Variants in DCC observed in about 807,000 individuals in gnomAD.
DCC encodes netrin receptor DCC.
A neutral mutation model predicts 172.5 loss-of-function variants in DCC; 58 were observed. The ratio of observed to expected loss-of-function variants is 0.34; its 90% confidence interval spans 0.27 to 0.42. DCC has a LOEUF of 0.42. Ranked by LOEUF, DCC falls within the 10% of genes least tolerant of loss-of-function variation. The pLI is 1.00. For missense variants in DCC, 1,740 were observed against 1,791.0 expected, an observed-to-expected ratio of 0.97 and a Z score of 0.51; for synonymous variants, 709 against 644.5, an observed-to-expected ratio of 1.10 and a Z score of -1.52.
chr18:53,257,179 C>T (rs1051672969), intron 12 of DCC, among the ~76,000 whole-genome samples: 3 of 152,178 alleles, frequency 2.0e-5, no homozygotes, highest in African/African-American at 7.2e-5. Context: ...TGGACTTCCT[C>T]TTTTCCTAAT....
chr18:52,441,201 T>G (rs968624410), intron 1 of DCC, among the ~76,000 whole-genome samples: 1 of 152,212 alleles, frequency 6.6e-6, no homozygotes, highest in Non-Finnish European at 1.5e-5. Context: ...TTCATTTGTC[T>G]GAGACCATTT....
chr18:52,977,376 C>T (rs897135786), intron 5 of DCC, among the ~76,000 whole-genome samples: 12 of 152,218 alleles, frequency 7.9e-5, no homozygotes, highest in South Asian at 4.2e-4. Flanking sequence ...ATGTCCTGCC[C>T]ATGAGGACAT....
At position 53,226,934 on chromosome 18, in the gene DCC, G is replaced by GTATATATATATATATA. The variant is rs1555734406; in HGVS notation, c.1911+11352_1911+11353insATATATATATATATAT. ...TGTAACTGTGTGTGTGTGTGTGTGT[G>GTATATATATATATATA]TATATATATATATATTTTTTTTTTT... On this transcript the variant is annotated intron_variant, in intron 12 of 28. Transcript: ENST00000442544. 5.4e-3 allele frequency among the ~76,000 whole-genome samples: 365 copies of GTATATATATATATATA among 67,760 alleles called. 5 individuals are homozygous for GTATATATATATATATA. Among genetic ancestry groups the GTATATATATATATATA allele is most frequent in the Non-Finnish European group, 7.5e-3 (251 of 33,516 alleles). 44.5% of individuals were successfully genotyped at this position (67,760 alleles called of 152,430 possible).
chr18:52,941,006 ATAT>A (rs1345240236), intron 5 of DCC: 2 of 152,158 alleles, frequency 1.3e-5, no homozygotes, highest in African/African-American at 2.4e-5. Flanking sequence ...AAGGAATGAA[ATAT>A]TATAGTAAGA....
At chr18:52,353,837 T>C (rs1255864913) in intron 1 of DCC, among the ~76,000 whole-genome samples, 1 of 152,188 alleles carries the variant, frequency 6.6e-6, no homozygotes, top group Non-Finnish European at 1.5e-5. Context: ...TCATGAACTG[T>C]AGGCCCTTCT....
At chr18:52,660,701 G>T (rs1006443364) in intron 1 of DCC, among the ~76,000 whole-genome samples, 2 of 152,096 alleles carry the variant, frequency 1.3e-5, no homozygotes, top group Non-Finnish European at 2.9e-5. Flanking sequence ...TAAGTTGAAG[G>T]GTAAAAGTTC....
intron 1 of DCC, among the ~76,000 whole-genome samples, chr18:52,439,028 T>A (rs62083542): frequency 6.6e-6 from 1 of 152,078 alleles, no homozygotes; most frequent in Non-Finnish European, 1.5e-5. Context: ...CTATACTTAC[T>A]GAGCTCCTGT....
intron 5 of DCC, among the ~76,000 whole-genome samples, chr18:52,969,616 TC>T (rs2040994103): frequency 6.7e-6 from 1 of 149,252 alleles, no homozygotes; most frequent in Non-Finnish European, 1.5e-5. Context: ...TCTCTCTCTC[TC>T]TCTCTTTCTG....
intron 21 of DCC, among the ~76,000 whole-genome samples, chr18:53,425,755 T>C (rs1910894940): frequency 6.6e-6 from 1 of 152,144 alleles, no homozygotes. Flanking sequence ...TGAAACCCTG[T>C]GTTTATTCAT....
intron 2 of DCC, among the ~76,000 whole-genome samples, chr18:52,854,777 T>C (rs1457507266): frequency 6.6e-6 from 1 of 152,180 alleles, no homozygotes; most frequent in African/African-American, 2.4e-5. Flanking sequence ...TATATGTAAT[T>C]CCAGAAAAGA....
chr18:53,136,835 T>C (rs1309862586), intron 7 of DCC, among the ~76,000 whole-genome samples: 1 of 152,202 alleles, frequency 6.6e-6, no homozygotes, highest in Non-Finnish European at 1.5e-5. Flanking sequence ...TTTGGAGAAT[T>C]ACCACAAATT....
chr18:53,228,820 C>A (rs1181421582), intron 12 of DCC, among the ~76,000 whole-genome samples: 1 of 152,028 alleles, frequency 6.6e-6, no homozygotes, highest in Non-Finnish European at 1.5e-5. Flanking sequence ...GTTTAAAATG[C>A]CAAAGATTTT....
intron 1 of DCC, among the ~76,000 whole-genome samples, chr18:52,721,414 G>A (rs182107238): frequency 6.7e-4 from 102 of 152,292 alleles, no homozygotes; most frequent in African/African-American, 2.2e-3. Flanking sequence ...AGGACAGTGA[G>A]GGGTTACAGT....
intron 7 of DCC, among the ~76,000 whole-genome samples, chr18:53,129,455 T>TC (rs143576441): frequency 0.02 from 3,072 of 152,228 alleles, 104 homozygotes; most frequent in African/African-American, 0.069. Context: ...TAGAAAGTTC[T>TC]CCCATGGTCC....
intron 17 of DCC, among the ~76,000 whole-genome samples, chr18:53,394,861 G>T (rs547617202): frequency 6.6e-6 from 1 of 152,124 alleles, no homozygotes; most frequent in Non-Finnish European, 1.5e-5. Context: ...TAAGGCTCAG[G>T]CTGGGCTCAG....
intron 7 of DCC, among the ~76,000 whole-genome samples, chr18:53,132,435 A>T (rs1449717930): frequency 6.6e-6 from 1 of 152,078 alleles, no homozygotes; most frequent in Non-Finnish European, 1.5e-5. Flanking sequence ...AGACATGGGG[A>T]GGGATGCTGA....
intron 27 of DCC, among the ~76,000 whole-genome samples, chr18:53,522,597 G>A (rs141497558): frequency 6.6e-6 from 1 of 151,988 alleles, no homozygotes; most frequent in East Asian, 1.9e-4. Context: ...CAGAACAGAG[G>A]TCTCAGAAAC....
chr18:52,493,516 A>G (rs886989343), intron 1 of DCC, among the ~76,000 whole-genome samples: 2 of 152,102 alleles, frequency 1.3e-5, no homozygotes, highest in Non-Finnish European at 2.9e-5. Context: ...CAATATTTGC[A>G]TGGTGAATCA....
chr18:53,502,312 T>C (rs1306757123), intron 27 of DCC, among the ~76,000 whole-genome samples: 1 of 152,214 alleles, frequency 6.6e-6, no homozygotes, highest in Non-Finnish European at 1.5e-5. Context: ...TTAGTGTTTC[T>C]CTCTTATTGT....
Sources: allele counts gnomAD v4.1 joint callset (sites outside exome capture counted in the v4.1 genomes callset), GRCh38; gene constraint gnomAD v4.1.1; transcripts MANE v1.5; gene names NCBI Gene and HGNC (gene_info 2026-07-23, HGNC 2026-07-21).